The following ITPR1 variants were observed in gnomAD, a reference collection of about 807,000 sequenced individuals.
ITPR1 encodes the protein inositol 1,4,5-trisphosphate-gated calcium channel ITPR1.
ITPR1 carries 96 observed loss-of-function variants against 318.4 expected under a neutral mutation model. The ratio of observed to expected loss-of-function variants is 0.30; its 90% CI spans 0.26 to 0.36. The LOEUF (loss-of-function observed/expected upper bound fraction) is 0.36. Among genes scored for constraint, ITPR1 ranks in the 10% least tolerant of loss-of-function variants. The pLI is 1.00. For synonymous variants in ITPR1, 1,312 were observed against 1,289.9 expected (o/e 1.02, Z -0.37); for missense variants, 2,440 against 3,460.2 (o/e 0.71, Z 7.40).
chr3:4,744,478 A>G (rs928324672), intron 44 of ITPR1, among the ~76,000 whole-genome samples: 1 of 152,214 alleles, frequency 6.6e-6, no homozygotes, highest in African/African-American at 2.4e-5. Context: ...AAATCCAGAC[A>G]GCTGCCTGTG....
intron 61 of ITPR1, among the ~76,000 whole-genome samples, chr3:4,844,366 T>A (rs2051597737): frequency 6.6e-6 from 1 of 152,134 alleles, no homozygotes; most frequent in East Asian, 1.9e-4. Flanking sequence ...TCAAGCAGTC[T>A]GCCCACCTCA....
intron 2 of ITPR1, among the ~76,000 whole-genome samples, chr3:4,506,185 A>C (rs2124889993): frequency 6.6e-6 from 1 of 152,284 alleles, no homozygotes; most frequent in East Asian, 1.9e-4. Context: ...TTACATTTAG[A>C]ATAGAAGGCC....
chr3:4,738,427 T>C (rs1297193788), intron 44 of ITPR1, among the ~76,000 whole-genome samples: 1 of 152,190 alleles, frequency 6.6e-6, no homozygotes, highest in Non-Finnish European at 1.5e-5. Context: ...GGCCTGGACC[T>C]GCTGATACTT....
intron 39 of ITPR1, among the ~76,000 whole-genome samples, chr3:4,714,651 T>C (rs1302759511): frequency 6.6e-6 from 1 of 152,226 alleles, no homozygotes; most frequent in Non-Finnish European, 1.5e-5. Context: ...ATGTGTGGGC[T>C]GGGTTTTCTT....
intron 4 of ITPR1, among the ~76,000 whole-genome samples, chr3:4,626,873 C>T (rs560189137): frequency 6.4e-4 from 98 of 152,274 alleles, no homozygotes; most frequent in Admixed American, 3.3e-3. Context: ...AACTGGAGTG[C>T]GGTGGTGTGA....
Position 4,788,072 on chromosome 3 carries a change from A to G in ITPR1, c.6741A>G (p.Lys2247=), listed in dbSNP as rs755275418. ...YTTERDEQGS[K]INDFFLRSED... Reference sequence around the variant, plus strand: ...CAGAGAGAGACGAACAAGGCAGCAAAATCAATGATTTCTTTCTGCGGTCTG... The same window carrying G: ...CAGAGAGAGACGAACAAGGCAGCAAGATCAATGATTTCTTTCTGCGGTCTG... The change falls in exon 52 of 62, where the codon AAA becomes AAG. Residue 2247 remains lysine, a synonymous_variant. Coordinates refer to ENST00000649015, the MANE Select transcript of ITPR1 (RefSeq NM_001378452.1). 2.5e-5 allele frequency: 41 copies of G among 1,611,834 alleles called. No individual in the cohort carries two copies. In the East Asian group the frequency reaches 4.7e-4, roughly 18 times the overall value.
At chr3:4,820,652 A>T (rs3805021) in intron 60 of ITPR1, among the ~76,000 whole-genome samples, 1 of 152,094 alleles carries the variant, frequency 6.6e-6, no homozygotes, top group Non-Finnish European at 1.5e-5. Context: ...GAAAACCTAA[A>T]AATCTTACAG....
At chr3:4,655,891 A>G (rs2093696888) in intron 12 of ITPR1, among the ~76,000 whole-genome samples, 1 of 152,176 alleles carries the variant, frequency 6.6e-6, no homozygotes, top group Admixed American at 6.5e-5. Context: ...CCCGGTGGCA[A>G]GGTGTTAGTA....
At chr3:4,731,713 TCCTG>T (rs2042938751) in intron 42 of ITPR1, among the ~76,000 whole-genome samples, 1 of 152,156 alleles carries the variant, frequency 6.6e-6, no homozygotes, top group African/African-American at 2.4e-5. Context: ...GCCAAGAGTT[TCCTG>T]CCTATCTCCT....
At position 4,627,740 on chromosome 3, in the gene ITPR1, CTGTT is replaced by C; in HGVS notation, c.164-16_164-13del. Reference sequence around the variant, plus strand: ...CTCTATACACCCTCAATGGCAATTTCTGTTTGTTTGCTTCACTTCTAGACTGCCT... The same window carrying C: ...CTCTATACACCCTCAATGGCAATTTCTGTTTGCTTCACTTCTAGACTGCCT... On this transcript the variant is annotated intron_variant, in intron 4 of 61. Transcript: ENST00000649015. 6.7e-7 allele frequency: 1 copy of C among 1,487,418 alleles called. No homozygotes were observed. The highest frequency in any genetic ancestry group is 9.4e-7 in the Non-Finnish European group (1 of 1,065,398). 92.1% of individuals were successfully genotyped at this position (1,487,418 alleles called of 1,614,324 possible).
At chr3:4,512,208 A>G (rs2081886037) in intron 2 of ITPR1, among the ~76,000 whole-genome samples, 1 of 152,162 alleles carries the variant, frequency 6.6e-6, no homozygotes, top group African/African-American at 2.4e-5. Context: ...GCTTCAAGCC[A>G]TCCTCCCACC....
chr3:4,570,688 T>G (rs2087876940), intron 4 of ITPR1, among the ~76,000 whole-genome samples: 1 of 152,226 alleles, frequency 6.6e-6, no homozygotes, highest in South Asian at 2.1e-4. Flanking sequence ...ATCTAGATTT[T>G]TCTTAAAGCT....
chr3:4,794,716 G>C (rs2047785671), intron 52 of ITPR1, among the ~76,000 whole-genome samples: 1 of 152,122 alleles, frequency 6.6e-6, no homozygotes, highest in African/African-American at 2.4e-5. Flanking sequence ...AGAGCCCTAG[G>C]GGGAACCGAG....
chr3:4,841,638 CA>C (rs984166415), intron 61 of ITPR1, among the ~76,000 whole-genome samples: 11 of 152,298 alleles, frequency 7.2e-5, no homozygotes, highest in African/African-American at 2.6e-4. Context: ...GAGCTGTGAA[CA>C]CATTGCTCTG....
chr3:4,663,105 A>G lies in ITPR1; in HGVS notation c.1453A>G (p.Thr485Ala). The change falls in exon 16 of 62, where the codon ACT becomes GCT. Residue 485 changes from threonine (T) to alanine (A), a missense_variant. This residue lies in a region of ITPR1 where 478 missense variants were observed against 696.3 expected (regional missense o/e 0.69). Coordinates refer to ENST00000649015, the MANE Select transcript of ITPR1 (RefSeq NM_001378452.1). ...KLLEDLVYFV[T>A]GGTNSGQDVL... ...GCTAGAAGATTTGGTTTACTTCGTCACTGGTGGAACTAATTCTGGTCAAGA... is the reference window on the plus strand; with the variant it reads ...GCTAGAAGATTTGGTTTACTTCGTCGCTGGTGGAACTAATTCTGGTCAAGA... The G allele has an allele frequency of 6.2e-7, 1 of 1,613,716 alleles. No individual in the cohort carries two copies. Among genetic ancestry groups the G allele is most frequent in the East Asian group, 2.2e-5 (1 of 44,866 alleles).
intron 5 of ITPR1, among the ~76,000 whole-genome samples, chr3:4,632,825 A>C (rs2093054701): frequency 6.6e-6 from 1 of 152,132 alleles, no homozygotes; most frequent in African/African-American, 2.4e-5. Flanking sequence ...AAAAAGAAAA[A>C]AGAGAAAAAC....
chr3:4,845,732 C>G (rs560880624), intron 61 of ITPR1, among the ~76,000 whole-genome samples: 10 of 152,200 alleles, frequency 6.6e-5, no homozygotes, highest in African/African-American at 2.4e-4. Flanking sequence ...GGACACGAAC[C>G]CTCCCTCTCA....
chr3:4,698,818 T>C (rs1449325076), intron 34 of ITPR1, among the ~76,000 whole-genome samples: 1 of 152,218 alleles, frequency 6.6e-6, no homozygotes, highest in East Asian at 1.9e-4. Flanking sequence ...CAATTTTATC[T>C]CTTAAATTAT....
rs565928205 is a variant in ITPR1 at position 4,616,742 on chromosome 3, A to T, written c.164-11021A>T. Among the ~76,000 whole-genome samples the T allele has an allele frequency of 4.7e-4, 72 of 152,312 alleles. No homozygotes were observed. In the South Asian group the frequency reaches 7.9e-3, roughly 17 times the overall value. ...AGAGTGTTGCCTGGGGTGTGGGGTA[A>T]TAAGAAAGAATGAAATAGATTATTT... On this transcript the variant is annotated intron_variant, in intron 4 of 61. Coordinates refer to ENST00000649015, the MANE Select transcript of ITPR1 (RefSeq NM_001378452.1).
Sources: allele counts gnomAD v4.1 joint callset (sites outside exome capture counted in the v4.1 genomes callset), GRCh38; gene constraint gnomAD v4.1.1; regional missense constraint gnomAD v4.1.1; transcripts MANE v1.5; gene names NCBI Gene and HGNC (gene_info 2026-07-23, HGNC 2026-07-21).